Variants in EML1 observed in about 807,000 individuals in gnomAD.
The protein encoded by EML1 is EMAP like 1, also known as echinoderm microtubule-associated protein-like 1.
A neutral mutation model predicts 110.4 loss-of-function variants in EML1; 27 were observed. The ratio of observed to expected loss-of-function variants is 0.24; its 90% CI spans 0.18 to 0.34. The LOEUF (loss-of-function observed/expected upper bound fraction) is 0.34. Ranked by LOEUF, EML1 falls within the 10% of genes least tolerant of loss-of-function variation. EML1 has a pLI of 1.00. For synonymous variants in EML1, 344 were observed against 385.8 expected (o/e 0.89, Z 1.27); for missense variants, 741 against 1,030.9 (o/e 0.72, Z 3.85).
At chr14:99,791,421 C>T (rs2057669863), upstream of EML1, among the ~76,000 whole-genome samples, 1 of 152,214 alleles carries the variant, frequency 6.6e-6, no homozygotes, top group Non-Finnish European at 1.5e-5. Flanking sequence ...TTCGGAATGT[C>T]CTTCTCTCTC....
chr14:99,796,186 C>CAG (rs57818494), intron 1 of EML1, among the ~76,000 whole-genome samples: 6,387 of 119,004 alleles, frequency 0.054, 203 homozygotes, highest in Admixed American at 0.084. Context: ...GACCCTGTCT[C>CAG]AGAGAGAGAG....
At chr14:99,819,448 A>G (rs1413861765) in intron 1 of EML1, among the ~76,000 whole-genome samples, 1 of 152,130 alleles carries the variant, frequency 6.6e-6, no homozygotes, top group Non-Finnish European at 1.5e-5. Flanking sequence ...TTTCCTTCCC[A>G]TCTATGGTTT....
chr14:99,914,150 T>C, intron 13 of EML1, 29 bp from the exon 14 acceptor site: 4 of 1,590,024 alleles, frequency 2.5e-6, no homozygotes, highest in Non-Finnish European at 3.4e-6. Flanking sequence ...ATTGTACATC[T>C]TTTCTTTTCA....
intron 16 of EML1, among the ~76,000 whole-genome samples, chr14:99,919,589 G>A (rs1400251287): frequency 2.6e-5 from 4 of 152,072 alleles, no homozygotes; most frequent in Admixed American, 6.6e-5. Flanking sequence ...TGTAGGACAC[G>A]GTGACAGTGC....
chr14:99,779,999 G>C (rs938845233), intron 1 of EML1, among the ~76,000 whole-genome samples: 1 of 152,196 alleles, frequency 6.6e-6, no homozygotes, highest in Non-Finnish European at 1.5e-5. Flanking sequence ...CTGGAGGCTT[G>C]AAGTCTAGTC....
At chr14:99,810,087 A>G (rs1302398937) in intron 1 of EML1, among the ~76,000 whole-genome samples, 1 of 152,100 alleles carries the variant, frequency 6.6e-6, no homozygotes, top group Non-Finnish European at 1.5e-5. Context: ...GACACTCCCC[A>G]GTGTTTGAGT....
intron 1 of EML1, among the ~76,000 whole-genome samples, chr14:99,806,818 G>C (rs2057984827): frequency 6.6e-6 from 1 of 151,960 alleles, no homozygotes; most frequent in Non-Finnish European, 1.5e-5. Context: ...GGAATGGAGA[G>C]CTGGGAAAAA....
At chr14:99,847,337 A>T (rs117381745) in intron 1 of EML1, among the ~76,000 whole-genome samples, 1 of 152,054 alleles carries the variant, frequency 6.6e-6, no homozygotes, top group African/African-American at 2.4e-5. Flanking sequence ...CAAATATTCT[A>T]TGTCTGTACT....
chr14:99,892,573 G>A (rs2059605960), intron 5 of EML1, among the ~76,000 whole-genome samples: 1 of 152,110 alleles, frequency 6.6e-6, no homozygotes, highest in Admixed American at 6.5e-5. Flanking sequence ...TAACCTGCCT[G>A]GAACAAACAC....
At chr14:99,929,909 T>G (rs532886201) in intron 17 of EML1, among the ~76,000 whole-genome samples, 1 of 152,272 alleles carries the variant, frequency 6.6e-6, no homozygotes, top group South Asian at 2.1e-4. Flanking sequence ...AGGAAAGCTA[T>G]GAGGGTTCTG....
intron 4 of EML1, among the ~76,000 whole-genome samples, chr14:99,887,219 C>G (rs1227820762): frequency 6.6e-6 from 1 of 152,230 alleles, no homozygotes; most frequent in Admixed American, 6.5e-5. Flanking sequence ...TATCTTATAT[C>G]AGCTCTCGAA....
chr14:99,836,365 G>C (rs905113225), intron 1 of EML1, among the ~76,000 whole-genome samples: 1 of 152,052 alleles, frequency 6.6e-6, no homozygotes, highest in Non-Finnish European at 1.5e-5. Context: ...TGACTTTTTT[G>C]TGTTAACCTT....
At chr14:99,839,167 T>G (rs1456729492) in intron 1 of EML1, 3 of 152,204 alleles carry the variant, frequency 2.0e-5, no homozygotes, top group Non-Finnish European at 4.4e-5. Flanking sequence ...TTGTTTTCAA[T>G]TACAATTCAT....
rs1429109129 is a variant in EML1 at position 99,894,624 on chromosome 14, TG to T, written c.548-4del. ...ATCTTACTGAAATCTTTGTTCTTTT[TG>T]TAGAAGAAGGCTATGTAAAAATGTT... On this transcript the variant is annotated splice_polypyrimidine_tract_variant and splice_region_variant and intron_variant, in intron 5 of 21. Transcript: ENST00000262233. 3 of 1,610,712 alleles carry T rather than the reference TG, an allele frequency of 1.9e-6. No homozygotes were observed. Among genetic ancestry groups the T allele is most frequent in the Non-Finnish European group, 2.5e-6 (3 of 1,178,706 alleles).
At chr14:99,909,268 C>T in intron 10 of EML1, 77 bp from the exon 11 acceptor site, 2 of 1,601,092 alleles carry the variant, frequency 1.2e-6, no homozygotes, top group Non-Finnish European at 1.7e-6. Flanking sequence ...TTGTGGCTCA[C>T]ATTTTACTTG....
At chr14:99,749,283 G>A (rs1300751138) in intron 1 of EML1, among the ~76,000 whole-genome samples, 4 of 152,164 alleles carry the variant, frequency 2.6e-5, no homozygotes, top group South Asian at 2.1e-4. Context: ...CACCTGCGGG[G>A]CATGCTGGCT....
chr14:99,799,992 A>G (rs758982724), intron 1 of EML1, among the ~76,000 whole-genome samples: 2 of 152,220 alleles, frequency 1.3e-5, no homozygotes, highest in Non-Finnish European at 2.9e-5. Flanking sequence ...TCTTTCAGGA[A>G]CAACTATTCA....
At chr14:99,770,779 ATTTT>A (rs34744469), upstream of EML1, among the ~76,000 whole-genome samples, 409 of 91,624 alleles carry the variant, frequency 4.5e-3, 1 homozygote, top group African/African-American at 0.017. Context: ...GTTTCCGCTG[ATTTT>A]TTTTTTTTTT....
At chr14:99,853,368 G>A (rs1294551137) in intron 2 of EML1, among the ~76,000 whole-genome samples, 2 of 151,814 alleles carry the variant, frequency 1.3e-5, no homozygotes, top group Non-Finnish European at 2.9e-5. Context: ...CAGGAGGGGC[G>A]TGCCCGTGGG....
Sources: gnomAD v4.1 joint callset for allele counts (sites outside exome capture counted in the v4.1 genomes callset) on GRCh38, gnomAD v4.1.1 for gene constraint, MANE v1.5 for transcripts, NCBI Gene and HGNC (gene_info 2026-07-23, HGNC 2026-07-21) for gene names.